VRTN: variants seen among roughly 807,000 people sequenced by gnomAD.
VRTN encodes the protein vertnin.
Under a neutral mutation model 18.2 loss-of-function variants are expected in VRTN, and 5 were observed. The observed-to-expected ratio is 0.27, with a 90% confidence interval of 0.14 to 0.58. The LOEUF is 0.58. Ranked by LOEUF, VRTN falls within the 20% of genes least tolerant of loss-of-function variation. The probability of loss-of-function intolerance (pLI) is 0.91; values close to 1 mark genes in which losing one functional copy is unlikely to be tolerated. For missense variants in VRTN, 741 were observed against 939.4 expected (o/e 0.79, Z 2.76); for synonymous variants, 381 against 393.7 (o/e 0.97, Z 0.38).
intron 1 of VRTN, chr14:74,306,154 ATATATATATATATATATATT>A (rs1455658640): frequency 3.2e-5 from 2 of 62,186 alleles, no homozygotes; most frequent in Non-Finnish European, 5.5e-5. Context: ...ACATATATAT[ATATATATATATATATATATT>A]TTTTTTTTTT....
At chr14:74,308,075 G>T (rs1299390237) in intron 1 of VRTN, among the ~76,000 whole-genome samples, 1 of 152,022 alleles carries the variant, frequency 6.6e-6, no homozygotes, top group African/African-American at 2.4e-5. Context: ...AACTGTGATC[G>T]ATGTTTTCTT....
intron 1 of VRTN, among the ~76,000 whole-genome samples, chr14:74,313,947 G>A (rs996245089): frequency 2.6e-5 from 4 of 152,010 alleles, no homozygotes; most frequent in Non-Finnish European, 5.9e-5. Context: ...AACAAAAAAC[G>A]AAAAACAGCT....
intron 2 of VRTN, among the ~76,000 whole-genome samples, chr14:74,338,603 G>T (rs1425883137): frequency 6.6e-6 from 1 of 152,204 alleles, no homozygotes; most frequent in Non-Finnish European, 1.5e-5. Flanking sequence ...TGCCCAGGCT[G>T]GAGTGGAGTG....
At chr14:74,315,852 C>A (rs2085416410) in intron 1 of VRTN, among the ~76,000 whole-genome samples, 1 of 152,092 alleles carries the variant, frequency 6.6e-6, no homozygotes, top group Admixed American at 6.6e-5. Context: ...GAGGTAGGCC[C>A]TACTACAGCC....
At chr14:74,345,117 G>C (rs2085635187), upstream of VRTN, among the ~76,000 whole-genome samples, 1 of 151,976 alleles carries the variant, frequency 6.6e-6, no homozygotes, top group Admixed American at 6.6e-5. Flanking sequence ...GTACAACCTT[G>C]GCTCACTGCA....
At chr14:74,307,881 C>T (rs2085364050) in intron 1 of VRTN, among the ~76,000 whole-genome samples, 1 of 152,076 alleles carries the variant, frequency 6.6e-6, no homozygotes, top group Non-Finnish European at 1.5e-5. Flanking sequence ...AGGCGTCCAC[C>T]AGCACGCCTG....
intron 1 of VRTN, among the ~76,000 whole-genome samples, chr14:74,327,552 G>C (rs2085495748): frequency 6.6e-6 from 1 of 152,146 alleles, no homozygotes. Context: ...GGACAGGCCA[G>C]GAAAAGGGGC....
intron 1 of VRTN, among the ~76,000 whole-genome samples, chr14:74,356,150 C>T (rs2085725990): frequency 6.6e-6 from 1 of 151,756 alleles, no homozygotes; most frequent in South Asian, 2.1e-4. Context: ...TTTATTGTCT[C>T]ATTTATGCCC....
At chr14:74,334,409 A>T (rs1380988662) in intron 1 of VRTN, among the ~76,000 whole-genome samples, 2 of 152,086 alleles carry the variant, frequency 1.3e-5, no homozygotes, top group African/African-American at 4.8e-5. Context: ...GGGTGCCTGT[A>T]GTCCCAGCTA....
At chr14:74,318,063 G>A (rs554490014) in intron 1 of VRTN, among the ~76,000 whole-genome samples, 17 of 152,286 alleles carry the variant, frequency 1.1e-4, no homozygotes, top group African/African-American at 3.8e-4. Flanking sequence ...AGGCTGCAGT[G>A]AGCTATGATT....
chr14:74,320,754 T>G (rs569312017), intron 1 of VRTN, among the ~76,000 whole-genome samples: 1 of 149,508 alleles, frequency 6.7e-6, no homozygotes, highest in African/African-American at 2.5e-5. Flanking sequence ...ACCTGCCTAA[T>G]TTTTGTATTT....
chr14:74,354,149 A>G (rs1356219528), intron 1 of VRTN, among the ~76,000 whole-genome samples: 1 of 152,196 alleles, frequency 6.6e-6, no homozygotes, highest in African/African-American at 2.4e-5. Context: ...ATTTGGTTTA[A>G]AAGAAGATGA....
At chr14:74,329,782 G>A (rs1268978193) in intron 1 of VRTN, among the ~76,000 whole-genome samples, 1 of 151,684 alleles carries the variant, frequency 6.6e-6, no homozygotes, top group African/African-American at 2.4e-5. Context: ...TCACCATGTT[G>A]GCCAAGCTGG....
intron 1 of VRTN, among the ~76,000 whole-genome samples, chr14:74,352,656 T>G (rs1595175411): frequency 6.6e-6 from 1 of 150,418 alleles, no homozygotes; most frequent in African/African-American, 2.5e-5. Context: ...CAAGTAATCT[T>G]CCTGCCTCAG....
intron 1 of VRTN, among the ~76,000 whole-genome samples, chr14:74,334,613 T>C (rs2085551516): frequency 6.6e-6 from 1 of 152,184 alleles, no homozygotes; most frequent in South Asian, 2.1e-4. Context: ...AAGATACTGT[T>C]TTCCAAATTT....
intron 1 of VRTN, among the ~76,000 whole-genome samples, chr14:74,323,450 G>C (rs1014657095): frequency 4.6e-5 from 7 of 151,934 alleles, no homozygotes; most frequent in African/African-American, 1.7e-4. Flanking sequence ...TGGGCGTGGT[G>C]GTGGGCGCCT....
At chr14:74,311,772 C>CT (rs34712936) in intron 1 of VRTN, among the ~76,000 whole-genome samples, 44,862 of 144,208 alleles carry the variant, frequency 0.31, 7,143 homozygotes, top group Middle Eastern at 0.56. Context: ...CATATACAGA[C>CT]TTTTTTTTTT....
At chr14:74,340,789 C>T (rs747470085) in intron 2 of VRTN, among the ~76,000 whole-genome samples, 2 of 152,102 alleles carry the variant, frequency 1.3e-5, no homozygotes, top group African/African-American at 2.4e-5. Context: ...CTTGCTCTGT[C>T]GCCCAGGCTG....
intron 2 of VRTN, among the ~76,000 whole-genome samples, chr14:74,343,343 T>C (rs1339937020): frequency 2.6e-5 from 4 of 152,072 alleles, no homozygotes; most frequent in Admixed American, 2.6e-4. Flanking sequence ...GCCAGGCTGG[T>C]CTCAAACTCC....
Sources: allele counts gnomAD v4.1 joint callset (sites outside exome capture counted in the v4.1 genomes callset), GRCh38; gene constraint gnomAD v4.1.1; transcripts MANE v1.5; gene names NCBI Gene and HGNC (gene_info 2026-07-23, HGNC 2026-07-21).